The following SERPINB4 variants were observed in gnomAD, a reference collection of about 807,000 sequenced individuals.
The protein encoded by SERPINB4 is serpin B4.
SERPINB4 carries 39 observed loss-of-function variants against 33.2 expected under a neutral mutation model. The observed-to-expected ratio is 1.18, with a 90% CI of 0.91 to 1.53. The LOEUF (loss-of-function observed/expected upper bound fraction) is 1.53. Among genes scored for constraint, SERPINB4 ranks in the 40% most tolerant of loss-of-function variants. SERPINB4 has a pLI of 0.00. For synonymous variants in SERPINB4, 191 were observed against 166.4 expected (o/e 1.15, Z -1.14); for missense variants, 564 against 455.4 (o/e 1.24, Z -2.17).
In SERPINB4 at chr18:63,637,966, T is replaced by C. The variant is rs760981279; in HGVS notation, c.926A>G (p.Asn309Ser). ...LRTMGMVNIF[N>S]GDADLSGMTW... ...CATGCCTGAGAGGTCTGCATCCCCATTGAAGATATTCACCATTCCCATGGT... is the reference window on the plus strand; with the variant it reads ...CATGCCTGAGAGGTCTGCATCCCCACTGAAGATATTCACCATTCCCATGGT... Residue 309 changes from asparagine to serine, a missense_variant, in exon 8 of 8, where the codon AAT becomes AGT. Coordinates refer to ENST00000341074, the MANE Select transcript of SERPINB4 (RefSeq NM_002974.4). 7.4e-6 allele frequency: 12 copies of C among 1,613,506 alleles called. No individual in the cohort carries two copies. Among genetic ancestry groups the C allele is most frequent in the African/African-American group, 5.3e-5 (4 of 74,860 alleles).
chr18:63,643,019 T>A lies in SERPINB4; in HGVS notation c.222+142A>T. 4 of 946,404 alleles carry A rather than the reference T, an allele frequency of 4.2e-6. No homozygotes were observed. The East Asian group carries it at 7.8e-5, about 18-fold the overall frequency. 58.6% of individuals were successfully genotyped at this position (946,404 alleles called of 1,614,324 possible). A position where few individuals can be genotyped will look rare whatever the true frequency, so the allele number is the denominator to read the frequency against. The stretch of plus-strand genomic sequence containing the variant: ...GGAATAATAATTATGTGCCATGAAA[T>A]GCCAACCCACTCTGTATGTCTCAAT... On this transcript the variant is annotated intron_variant, in intron 3 of 7. Transcript: ENST00000341074.
intron 3 of SERPINB4, among the ~76,000 whole-genome samples, chr18:63,642,417 A>C (rs1191795396): frequency 6.6e-6 from 1 of 152,100 alleles, no homozygotes; most frequent in African/African-American, 2.4e-5. Context: ...TCCATGGCTA[A>C]GGACTTTACA....
intron 5 of SERPINB4, among the ~76,000 whole-genome samples, chr18:63,640,275 T>G (rs1913081876): frequency 6.6e-6 from 1 of 152,018 alleles, no homozygotes; most frequent in Admixed American, 6.6e-5. Context: ...ATCTTCCTAT[T>G]CACTCTCATG....
At position 63,640,964 on chromosome 18, in the gene SERPINB4, A is replaced by G. The variant is rs537798593; in HGVS notation, c.379T>C (p.Tyr127His). Residue 127 changes from tyrosine (Y) to histidine (H), a missense_variant, in exon 5 of 8, where the codon TAC (tyrosine) becomes CAC (histidine). Tyr to His is a moderately conservative substitution (Grantham distance 83). Transcript: ENST00000341074. Reference sequence around the variant, plus strand: ...TCAGTAGATTCCACACTGGTCTGGTAAAATTTCTTGATGGCATCTAAATAT... The same window carrying G: ...TCAGTAGATTCCACACTGGTCTGGTGAAATTTCTTGATGGCATCTAAATAT... ...QEYLDAIKKF[Y>H]QTSVESTDFA... 3.1e-6 allele frequency: 5 copies of G among 1,612,866 alleles called. No individual in the cohort carries two copies. The South Asian group carries it at 5.5e-5, about 18-fold the overall frequency.
chr18:63,641,366 T>C (rs1913124435), intron 4 of SERPINB4, among the ~76,000 whole-genome samples: 1 of 152,140 alleles, frequency 6.6e-6, no homozygotes, highest in Non-Finnish European at 1.5e-5. Context: ...CAATATTTCC[T>C]GGTACTTCCT....
At position 63,640,916 on chromosome 18, in the gene SERPINB4, T is replaced by C. The variant is rs780407516; in HGVS notation, c.427A>G (p.Ser143Gly). ...STDFANAPEE[S>G]RKKINSWVES... ...ACCCAGGAGTTAATCTTCTTTCGAC[T>C]TTCTTCTGGAGCATTTGCAAAATCA... The change falls in exon 5 of 8, where the codon AGT becomes GGT. Residue 143 changes from serine (S) to glycine (G), a missense_variant. Physicochemically the swap from Ser to Gly is moderately conservative, Grantham distance 56. Coordinates refer to ENST00000341074, the MANE Select transcript of SERPINB4 (RefSeq NM_002974.4). 1.2e-6 allele frequency: 2 copies of C among 1,612,826 alleles called. No individual in the cohort carries two copies. The highest frequency in any genetic ancestry group is 1.7e-5 in the Admixed American group (1 of 59,832).
At chr18:63,640,819 A>G (rs760824171) in intron 5 of SERPINB4, 55 bp downstream of exon 5, 2 of 1,470,220 alleles carry the variant, frequency 1.4e-6, no homozygotes, top group South Asian at 1.1e-5. Flanking sequence ...GTCAAGCACA[A>G]GGCTCACTGG....
At chr18:63,642,329 T>C (rs1011017596) in intron 3 of SERPINB4, among the ~76,000 whole-genome samples, 1 of 152,146 alleles carries the variant, frequency 6.6e-6, no homozygotes, top group Non-Finnish European at 1.5e-5. Context: ...TGCTATTATC[T>C]TGTAGGACAC....
At chr18:63,640,101 T>A (rs1010346865) in intron 5 of SERPINB4, among the ~76,000 whole-genome samples, 1 of 152,084 alleles carries the variant, frequency 6.6e-6, no homozygotes, top group Admixed American at 6.6e-5. Context: ...TCTTCCAACA[T>A]GTGTCTTTCC....
intron 5 of SERPINB4, 91 bp from the exon 6 acceptor site, chr18:63,639,867 T>C: frequency 8.3e-7 from 1 of 1,210,526 alleles, no homozygotes; most frequent in East Asian, 2.4e-5. Context: ...TGATCGTTAA[T>C]TATTGACCCA....
In SERPINB4 at chr18:63,639,725, A is replaced by G; in HGVS notation, c.521T>C (p.Leu174Pro). ...PDGTIGNDTT[L>P]VLVNAIYFKG... The stretch of plus-strand genomic sequence containing the variant: ...GAAATAGATTGCGTTCACAAGAACC[A>G]GTGTCGTATCATTGCCAATAGTCCC... The change falls in exon 6 of 8, where the codon CTG becomes CCG. Residue 174 changes from leucine (L) to proline (P), a missense_variant. Transcript: ENST00000341074. 6.2e-7 allele frequency: 1 copy of G among 1,611,882 alleles called. No homozygotes were observed. The highest frequency in any genetic ancestry group is 8.5e-7 in the Non-Finnish European group (1 of 1,178,294).
chr18:63,642,777 C>A, intron 3 of SERPINB4: 1 of 172,098 alleles, frequency 5.8e-6, no homozygotes, highest in Non-Finnish European at 1.2e-5. Flanking sequence ...ATGGGCAAGG[C>A]ACTGTTGTAA....
chr18:63,643,697 G>A, intron 1 of SERPINB4, 94 bp from the exon 2 acceptor site: 1 of 1,370,640 alleles, frequency 7.3e-7, no homozygotes, highest in Non-Finnish European at 1.0e-6. Flanking sequence ...TATCTGGGTT[G>A]TGAGATTTTG....
chr18:63,643,090 T>G, intron 3 of SERPINB4, 71 bp downstream of exon 3: 1 of 1,596,202 alleles, frequency 6.3e-7, no homozygotes. Context: ...TCTTAGTTTT[T>G]GTGAAGTTCC....
At chr18:63,638,715 TTAAC>T (rs1404428512) in intron 7 of SERPINB4, among the ~76,000 whole-genome samples, 4 of 148,794 alleles carry the variant, frequency 2.7e-5, no homozygotes, top group Admixed American at 2.1e-4. Context: ...AAATTAATCA[TTAAC>T]TAAGCCATAG....
intron 7 of SERPINB4, 107 bp downstream of exon 7, chr18:63,639,078 T>A: frequency 7.7e-7 from 1 of 1,305,124 alleles, no homozygotes; most frequent in Middle Eastern, 2.9e-4. Flanking sequence ...TTAGAATTTT[T>A]CATCATTTTG....
rs1225264564 is a variant in SERPINB4 at position 63,639,876 on chromosome 18, C to A, written c.470-100G>T. On this transcript the variant is annotated intron_variant, in intron 5 of 7. Transcript: ENST00000341074. ...CGTGACTGATCGTTAATTATTGACC[C>A]AAATCCCTGCTTGAGACTCACTGAC... The A allele has an allele frequency of 2.7e-6, 3 of 1,117,976 alleles. No individual in the cohort carries two copies. In the African/African-American group the frequency reaches 4.7e-5, roughly 17 times the overall value. 69.3% of individuals were successfully genotyped at this position (1,117,976 alleles called of 1,614,324 possible).
rs1307637358 is a variant in SERPINB4, at chr18:63,639,714, T to G, written c.532A>C (p.Asn178His). Residue 178 changes from asparagine to histidine, a missense_variant, in exon 6 of 8, where the codon AAC (asparagine) becomes CAC (histidine). Physicochemically the swap from Asn to His is moderately conservative, Grantham distance 68 (BLOSUM62 1). Coordinates refer to ENST00000341074, the MANE Select transcript of SERPINB4 (RefSeq NM_002974.4). ...IGNDTTLVLV[N>H]AIYFKGQWEN... ...CACTGCCCTTTGAAATAGATTGCGTTCACAAGAACCAGTGTCGTATCATTG... is the reference window on the plus strand; with the variant it reads ...CACTGCCCTTTGAAATAGATTGCGTGCACAAGAACCAGTGTCGTATCATTG... The G allele has an allele frequency of 5.0e-6, 8 of 1,612,014 alleles. No individual in the cohort carries two copies. The highest frequency in any genetic ancestry group is 6.8e-6 in the Non-Finnish European group (8 of 1,178,558).
intron 5 of SERPINB4, 117 bp from the exon 6 acceptor site, chr18:63,639,893 C>T (rs1208448545): frequency 3.1e-6 from 3 of 954,326 alleles, no homozygotes; most frequent in African/African-American, 3.3e-5. Context: ...CTGCTTGAGA[C>T]TCACTGACTT....
Sources: allele counts gnomAD v4.1 joint callset (sites outside exome capture counted in the v4.1 genomes callset), GRCh38; gene constraint gnomAD v4.1.1; transcripts MANE v1.5; gene names NCBI Gene and HGNC (gene_info 2026-07-23, HGNC 2026-07-21).